The following GMDS variants were observed in gnomAD, a reference collection of about 807,000 sequenced individuals.
GMDS encodes the protein GDP-mannose 4,6 dehydratase.
Under a neutral mutation model 49.9 loss-of-function variants are expected in GMDS, and 20 were observed. The observed-to-expected ratio is 0.40, with a 90% CI of 0.28 to 0.58. The LOEUF is 0.58. Among genes scored for constraint, GMDS ranks in the 20% least tolerant of loss-of-function variants. The probability of loss-of-function intolerance (pLI) is 0.42; values close to 1 mark genes in which losing one functional copy is unlikely to be tolerated. For missense variants in GMDS, 362 were observed against 481.4 expected (o/e 0.75, Z 2.32); for synonymous variants, 177 against 178.6 (o/e 0.99, Z 0.07).
chr6:1,653,725 T>C (rs1763787678), intron 9 of GMDS, among the ~76,000 whole-genome samples: 1 of 152,156 alleles, frequency 6.6e-6, no homozygotes, highest in Non-Finnish European at 1.5e-5. Flanking sequence ...CAACGAATGG[T>C]ACTGGAAAAC....
chr6:1,979,204 T>C (rs1282938093), intron 4 of GMDS, among the ~76,000 whole-genome samples: 1 of 152,156 alleles, frequency 6.6e-6, no homozygotes, highest in Non-Finnish European at 1.5e-5. Context: ...ATGAGATGGC[T>C]GAAATAACAG....
At chr6:1,815,828 GCCTGTTTTACA>G (rs1177990876) in intron 7 of GMDS, among the ~76,000 whole-genome samples, 1 of 152,132 alleles carries the variant, frequency 6.6e-6, no homozygotes, top group Non-Finnish European at 1.5e-5. Context: ...ATGACCCTCT[GCCTGTTTTACA>G]CCTTATCCTG....
chr6:1,667,058 C>T (rs1297073619), intron 9 of GMDS, among the ~76,000 whole-genome samples: 8 of 152,190 alleles, frequency 5.3e-5, no homozygotes. Flanking sequence ...CACACATGAG[C>T]CTAGAGCAGC....
At chr6:2,111,868 T>C (rs969310654) in intron 4 of GMDS, among the ~76,000 whole-genome samples, 1 of 152,234 alleles carries the variant, frequency 6.6e-6, no homozygotes. Flanking sequence ...ACAAAATATG[T>C]ATTTTTTCAT....
At chr6:2,000,033 A>G (rs1252079770) in intron 4 of GMDS, among the ~76,000 whole-genome samples, 3 of 20,456 alleles carry the variant, frequency 1.5e-4, no homozygotes, top group African/African-American at 4.4e-4. Flanking sequence ...ATATATCTAT[A>G]TCTTTTTTTT....
rs1008242813 is a variant in GMDS, at chr6:1,799,896, C to T, written c.772-57310G>A. ...CAAATACCTCCTCACACATTTATAT[C>T]GGTTGGAGATTTGTTTAGATTAACA... On this transcript the variant is annotated intron_variant, in intron 7 of 10. Coordinates refer to ENST00000380815, the MANE Select transcript of GMDS (RefSeq NM_001500.4). Among the ~76,000 whole-genome samples, 4 of 152,136 alleles carry T rather than the reference C, an allele frequency of 2.6e-5. No homozygotes were observed. In the East Asian group the frequency reaches 5.8e-4, roughly 22 times the overall value.
At chr6:1,953,638 G>A (rs1763475019) in intron 6 of GMDS, among the ~76,000 whole-genome samples, 1 of 152,168 alleles carries the variant, frequency 6.6e-6, no homozygotes. Flanking sequence ...GTGATGAACA[G>A]TAGTTATTCT....
chr6:2,095,551 T>A (rs542666713), intron 4 of GMDS, among the ~76,000 whole-genome samples: 1 of 152,192 alleles, frequency 6.6e-6, no homozygotes, highest in Non-Finnish European at 1.5e-5. Context: ...GAGTCATAGT[T>A]TAATCAGAAG....
At position 2,069,488 on chromosome 6, in the gene GMDS, G is replaced by A. The variant is rs1189066632; in HGVS notation, c.345+46283C>T. Among the ~76,000 whole-genome samples, 57 of 151,798 alleles carry A rather than the reference G, an allele frequency of 3.8e-4. No homozygotes were observed. The Middle Eastern group carries it at 0.01, about 27-fold the overall frequency. On this transcript the variant is annotated intron_variant, in intron 4 of 10. Transcript: ENST00000380815. ...CATCAGAGTGAACAGGCAACCTACA[G>A]AATGGGAGAAAATTTTCGCAACCTA...
intron 9 of GMDS, among the ~76,000 whole-genome samples, chr6:1,691,546 A>G (rs183975933): frequency 4.9e-4 from 74 of 152,298 alleles, no homozygotes; most frequent in African/African-American, 1.7e-3. Context: ...TGATCTTAGA[A>G]GTCTACTATT....
At chr6:2,045,363 T>C (rs1196570616) in intron 4 of GMDS, among the ~76,000 whole-genome samples, 1 of 152,010 alleles carries the variant, frequency 6.6e-6, no homozygotes, top group Non-Finnish European at 1.5e-5. Flanking sequence ...AATGTTCTTA[T>C]ATTTATTAAT....
At chr6:1,763,324 G>A (rs1313325792) in intron 7 of GMDS, among the ~76,000 whole-genome samples, 1 of 152,190 alleles carries the variant, frequency 6.6e-6, no homozygotes, top group African/African-American at 2.4e-5. Flanking sequence ...TTCAGTGAGA[G>A]GACTATGCAA....
chr6:1,672,892 T>C (rs1318719696), intron 9 of GMDS, among the ~76,000 whole-genome samples: 3 of 152,232 alleles, frequency 2.0e-5, no homozygotes, highest in African/African-American at 7.2e-5. Context: ...AATAAAGGCA[T>C]TCCCTGGTGT....
rs986983179 is a variant in GMDS at position 2,027,125 on chromosome 6, G to A, written c.346-66159C>T. Among the ~76,000 whole-genome samples the A allele has an allele frequency of 3.9e-5, 6 of 152,142 alleles. No individual in the cohort carries two copies. The South Asian group carries it at 1.2e-3, about 31-fold the overall frequency. ...GTCTAAATGGCTCCATGAAGAAGAGGACCCTGGCTGGTACTCTGGAAGTTG... is the reference window on the plus strand; with the variant it reads ...GTCTAAATGGCTCCATGAAGAAGAGAACCCTGGCTGGTACTCTGGAAGTTG... On this transcript the variant is annotated intron_variant, in intron 4 of 10. Transcript: ENST00000380815.
chr6:1,940,143 G>A (rs1003369417), intron 6 of GMDS, among the ~76,000 whole-genome samples: 1 of 151,966 alleles, frequency 6.6e-6, no homozygotes, highest in East Asian at 1.9e-4. Flanking sequence ...AATTTTTATT[G>A]TTTGTGTGTC....
chr6:2,109,838 A>G (rs996721760), intron 4 of GMDS, among the ~76,000 whole-genome samples: 3 of 152,222 alleles, frequency 2.0e-5, no homozygotes, highest in Non-Finnish European at 2.9e-5. Context: ...GAATGCTAAC[A>G]TGCAATTGTA....
intron 7 of GMDS, among the ~76,000 whole-genome samples, chr6:1,772,357 CTTTCT>C (rs1056508688): frequency 2.0e-5 from 3 of 152,122 alleles, no homozygotes; most frequent in African/African-American, 7.2e-5. Flanking sequence ...TTCCTGAGTC[CTTTCT>C]TTTAATCCCC....
intron 4 of GMDS, among the ~76,000 whole-genome samples, chr6:2,030,263 A>G (rs1198909696): frequency 1.3e-5 from 2 of 152,192 alleles, no homozygotes; most frequent in Admixed American, 1.3e-4. Context: ...TTCTTAAAGT[A>G]TGTGTGGGGG....
intron 9 of GMDS, among the ~76,000 whole-genome samples, chr6:1,698,725 C>T (rs1765433913): frequency 6.6e-6 from 1 of 151,624 alleles, no homozygotes; most frequent in African/African-American, 2.4e-5. Context: ...TGTGCGCGAC[C>T]CTGGACAGAG....
Sources: allele counts gnomAD v4.1 joint callset (sites outside exome capture counted in the v4.1 genomes callset), GRCh38; gene constraint gnomAD v4.1.1; transcripts MANE v1.5; gene names NCBI Gene and HGNC (gene_info 2026-07-23, HGNC 2026-07-21).